Variants in ARSB observed in about 807,000 individuals in gnomAD.
The protein encoded by ARSB is N-acetylgalactosamine-4-sulfatase.
A neutral mutation model predicts 50.9 loss-of-function variants in ARSB; 41 were observed. The ratio of observed to expected loss-of-function variants is 0.81; its 90% CI spans 0.63 to 1.04. The LOEUF (loss-of-function observed/expected upper bound fraction) is 1.04, where lower values mean the gene tolerates loss of function less well. Among genes scored for constraint, ARSB ranks in the 50% least tolerant of loss-of-function variants. The pLI is 0.00. For synonymous variants in ARSB, 269 were observed against 284.8 expected, an observed-to-expected ratio of 0.94 and a Z score of 0.56; for missense variants, 672 against 693.3, an observed-to-expected ratio of 0.97 and a Z score of 0.35.
chr5:78,848,939 G>A (rs1327266343), intron 5 of ARSB, among the ~76,000 whole-genome samples: 3 of 152,148 alleles, frequency 2.0e-5, no homozygotes, highest in Non-Finnish European at 4.4e-5. Context: ...AAATTTGTTT[G>A]AGTTCATTGT....
Position 78,798,213 on chromosome 5 carries a change from A to C in ARSB, c.1214-16239T>G, listed in dbSNP as rs868282991. On this transcript the variant is annotated intron_variant, in intron 6 of 7. Transcript: ENST00000264914. Reference sequence around the variant, plus strand: ...AGTATTTTTTTCTAATCATCCTCCAATTAAAGTGACAACAGACAGCCATCT... The same window carrying C: ...AGTATTTTTTTCTAATCATCCTCCACTTAAAGTGACAACAGACAGCCATCT... Among the ~76,000 whole-genome samples the C allele has an allele frequency of 2.0e-5, 3 of 152,188 alleles. No homozygotes were observed. The South Asian group carries it at 6.2e-4, about 31-fold the overall frequency.
chr5:78,965,089 A>G (rs1019126371), intron 2 of ARSB, among the ~76,000 whole-genome samples: 2 of 152,182 alleles, frequency 1.3e-5, no homozygotes, highest in African/African-American at 4.8e-5. Flanking sequence ...CTTTAGTCAG[A>G]TGCTGACACC....
intron 5 of ARSB, among the ~76,000 whole-genome samples, chr5:78,847,829 G>C (rs1745517045): frequency 6.6e-6 from 1 of 151,940 alleles, no homozygotes; most frequent in Non-Finnish European, 1.5e-5. Context: ...ATTTCCACTA[G>C]ATTTTCTAAT....
intron 5 of ARSB, among the ~76,000 whole-genome samples, chr5:78,848,723 T>C (rs879148193): frequency 1.3e-5 from 2 of 152,160 alleles, no homozygotes; most frequent in Non-Finnish European, 1.5e-5. Flanking sequence ...ACATCCTCTC[T>C]AGCACCTGTT....
chr5:78,931,343 T>A (rs1249716839), intron 4 of ARSB, among the ~76,000 whole-genome samples: 1 of 152,220 alleles, frequency 6.6e-6, no homozygotes, highest in African/African-American at 2.4e-5. Flanking sequence ...TTTTTTCAAC[T>A]GATAATACTG....
chr5:78,904,928 AAT>A (rs1748979344), intron 4 of ARSB, among the ~76,000 whole-genome samples: 1 of 151,928 alleles, frequency 6.6e-6, no homozygotes, highest in Admixed American at 6.6e-5. Flanking sequence ...AGCCTTAAGC[AAT>A]CTGCCCACCT....
At chr5:78,882,413 A>T (rs898495790) in intron 5 of ARSB, among the ~76,000 whole-genome samples, 1 of 152,202 alleles carries the variant, frequency 6.6e-6, no homozygotes, top group Non-Finnish European at 1.5e-5. Flanking sequence ...ATTGTTTTTC[A>T]AGCCCCAACA....
At chr5:78,819,072 T>C (rs1437740913) in intron 6 of ARSB, among the ~76,000 whole-genome samples, 1 of 152,154 alleles carries the variant, frequency 6.6e-6, no homozygotes, top group Admixed American at 6.5e-5. Flanking sequence ...GAGATTTCCT[T>C]TGCTGTTAGG....
At chr5:78,800,056 G>A (rs1424203742) in intron 6 of ARSB, among the ~76,000 whole-genome samples, 5 of 152,290 alleles carry the variant, frequency 3.3e-5, no homozygotes, top group South Asian at 2.1e-4. Flanking sequence ...GGTGGCTCAC[G>A]TCTGTAATCC....
intron 4 of ARSB, among the ~76,000 whole-genome samples, chr5:78,946,096 G>C (rs74532289): frequency 6.6e-6 from 1 of 152,126 alleles, no homozygotes; most frequent in Non-Finnish European, 1.5e-5. Flanking sequence ...ATCAACTTGC[G>C]TTTAACAGAT....
At chr5:78,970,149 A>G (rs1332241703) in intron 1 of ARSB, among the ~76,000 whole-genome samples, 1 of 150,830 alleles carries the variant, frequency 6.6e-6, no homozygotes, top group East Asian at 1.9e-4. Context: ...AATACCCACA[A>G]TTATATGAAA....
chr5:78,798,910 A>G (rs1743275068), intron 6 of ARSB, among the ~76,000 whole-genome samples: 1 of 152,178 alleles, frequency 6.6e-6, no homozygotes, highest in South Asian at 2.1e-4. Flanking sequence ...TGTTACACAA[A>G]CCCTGTAGTC....
intron 2 of ARSB, among the ~76,000 whole-genome samples, chr5:78,967,369 C>T (rs61421553): frequency 0.27 from 40,296 of 152,010 alleles, 6,647 homozygotes; most frequent in African/African-American, 0.47. Flanking sequence ...TCTCCCTCTT[C>T]GGACAAATAA....
chr5:78,890,704 C>T (rs1748252759), intron 4 of ARSB, among the ~76,000 whole-genome samples: 1 of 152,206 alleles, frequency 6.6e-6, no homozygotes, highest in Non-Finnish European at 1.5e-5. Context: ...TAGAATCCTT[C>T]ATATCTGCCC....
In ARSB at chr5:78,971,984, T is replaced by C. The variant is rs535698769; in HGVS notation, c.313-2792A>G. ...AGAAATAATTAGACACCTATCTACATTGGGAGATGTGTCAGATACCTTCTG... is the reference window on the plus strand; with the variant it reads ...AGAAATAATTAGACACCTATCTACACTGGGAGATGTGTCAGATACCTTCTG... On this transcript the variant is annotated intron_variant, in intron 1 of 7. Coordinates refer to ENST00000264914, the MANE Select transcript of ARSB (RefSeq NM_000046.5). Among the ~76,000 whole-genome samples, 6 of 152,338 alleles carry C rather than the reference T, an allele frequency of 3.9e-5. No individual in the cohort carries two copies. In the South Asian group the frequency reaches 8.3e-4, roughly 21 times the overall value.
At chr5:78,902,608 T>A (rs1370775499) in intron 4 of ARSB, among the ~76,000 whole-genome samples, 2 of 152,220 alleles carry the variant, frequency 1.3e-5, no homozygotes, top group African/African-American at 4.8e-5. Context: ...AATACTGATT[T>A]ATGCTACAAA....
chr5:78,910,527 A>G (rs919501340), intron 4 of ARSB, among the ~76,000 whole-genome samples: 1 of 152,282 alleles, frequency 6.6e-6, no homozygotes, highest in African/African-American at 2.4e-5. Flanking sequence ...AGAATGTAAG[A>G]CTAAATTTTC....
At chr5:78,860,159 T>C (rs1327346598) in intron 5 of ARSB, among the ~76,000 whole-genome samples, 2 of 152,168 alleles carry the variant, frequency 1.3e-5, no homozygotes, top group African/African-American at 2.4e-5. Context: ...CAGAGCTGAG[T>C]TCAAGTCCTG....
At chr5:78,955,201 G>T in intron 4 of ARSB, 94 bp downstream of exon 4, 1 of 1,227,612 alleles carries the variant, frequency 8.1e-7, no homozygotes, top group Non-Finnish European at 1.2e-6. Flanking sequence ...TTTTAATAAG[G>T]CAATGCTAAC....
Sources: gnomAD v4.1 joint callset for allele counts (sites outside exome capture counted in the v4.1 genomes callset) on GRCh38, gnomAD v4.1.1 for gene constraint, MANE v1.5 for transcripts, NCBI Gene and HGNC (gene_info 2026-07-23, HGNC 2026-07-21) for gene names.